C12orf42: variants seen among roughly 807,000 people sequenced by gnomAD.
The protein encoded by C12orf42 is chromosome 12 open reading frame 42.
C12orf42 carries 25 observed loss-of-function variants against 21.6 expected under a neutral mutation model. The observed-to-expected ratio is 1.16, with a 90% CI of 0.84 to 1.62. C12orf42 has a LOEUF of 1.62. Among genes scored for constraint, C12orf42 ranks in the 40% most tolerant of loss-of-function variants. The pLI is 0.00. For missense variants in C12orf42, 483 were observed against 459.3 expected, an observed-to-expected ratio of 1.05 and a Z score of -0.47; for synonymous variants, 174 against 175.0, an observed-to-expected ratio of 0.99 and a Z score of 0.05.
chr12:103,290,768 AT>A (rs2036754868), intron 4 of C12orf42, among the ~76,000 whole-genome samples: 1 of 152,302 alleles, frequency 6.6e-6, no homozygotes, highest in Non-Finnish European at 1.5e-5. Context: ...AGTGGTGTTA[AT>A]TCCATGCACG....
rs1487885329 is a variant in C12orf42 at position 103,386,641 on chromosome 12, T to C, written c.147+14966A>G. 2.6e-5 allele frequency among the ~76,000 whole-genome samples: 4 copies of C among 152,196 alleles called. No homozygotes were observed. The East Asian group carries it at 5.8e-4, about 22-fold the overall frequency. On this transcript the variant is annotated intron_variant, in intron 3 of 5. Transcript: ENST00000548883. ...AAGATTATGCTACAGAGAGTTAGCA[T>C]GATCCAAAATACAGCAACTGCTCTT...
chr12:103,484,611 C>T (rs1006102299), intron 1 of C12orf42, among the ~76,000 whole-genome samples: 1 of 152,048 alleles, frequency 6.6e-6, no homozygotes, highest in African/African-American at 2.4e-5. Flanking sequence ...TGTAGGTTAC[C>T]TGTTCACTCT....
the C12orf42 span, among the ~76,000 whole-genome samples, chr12:103,189,611 C>T: frequency 6.6e-6 from 1 of 152,314 alleles, no homozygotes; most frequent in South Asian, 2.1e-4. Flanking sequence ...CTGAGAGAGA[C>T]ATCTTCCTCC....
chr12:103,394,946 A>T (rs2138541748), intron 3 of C12orf42, among the ~76,000 whole-genome samples: 1 of 152,332 alleles, frequency 6.6e-6, no homozygotes, highest in South Asian at 2.1e-4. Flanking sequence ...GCAATAGAAA[A>T]GCAGGAACAG....
chr12:103,232,057 A>G, the C12orf42 span, among the ~76,000 whole-genome samples: 1 of 152,190 alleles, frequency 6.6e-6, no homozygotes, highest in Non-Finnish European at 1.5e-5. Context: ...CTCTGATGAC[A>G]TGATGTGAAG....
intron 4 of C12orf42, among the ~76,000 whole-genome samples, chr12:103,331,426 T>C (rs1166170765): frequency 6.6e-6 from 1 of 152,240 alleles, no homozygotes; most frequent in Non-Finnish European, 1.5e-5. Flanking sequence ...TGCAAGGAAT[T>C]ATTCATTCAT....
chr12:103,193,525 A>T, the C12orf42 span, among the ~76,000 whole-genome samples: 298 of 152,168 alleles, frequency 2.0e-3, 2 homozygotes, highest in African/African-American at 7.1e-3. Flanking sequence ...GGACACTACA[A>T]GTTCCACAGA....
the C12orf42 span, among the ~76,000 whole-genome samples, chr12:103,162,351 C>T: frequency 6.6e-6 from 1 of 152,184 alleles, no homozygotes; most frequent in Non-Finnish European, 1.5e-5. Flanking sequence ...CCTCACCAGA[C>T]AATATCATGG....
the C12orf42 span, among the ~76,000 whole-genome samples, chr12:103,093,922 C>T: frequency 6.6e-6 from 1 of 152,138 alleles, no homozygotes; most frequent in Admixed American, 6.5e-5. Flanking sequence ...CTAACTTCTC[C>T]TCTCCCACTC....
the C12orf42 span, among the ~76,000 whole-genome samples, chr12:103,129,113 G>T: frequency 6.6e-6 from 1 of 152,070 alleles, no homozygotes; most frequent in East Asian, 1.9e-4. Context: ...TTTGATCTTT[G>T]GTAAGCACTG....
the C12orf42 span, among the ~76,000 whole-genome samples, chr12:103,165,199 C>G: frequency 6.6e-6 from 1 of 152,290 alleles, no homozygotes; most frequent in East Asian, 1.9e-4. Context: ...CCTGCATTGG[C>G]CAATCAGAAC....
chr12:103,460,002 T>TGTG lies in C12orf42; in HGVS notation c.78+18346_78+18347insCAC. On this transcript the variant is annotated intron_variant, in intron 2 of 5. Coordinates refer to ENST00000548883, the MANE Select transcript of C12orf42 (RefSeq NM_198521.5). The stretch of plus-strand genomic sequence containing the variant: ...GAGCCTCCTCCTATATTGCACCCCT[T>TGTG]TACTGCCATCCCCATCTTTCTGAAA... Among the ~76,000 whole-genome samples the TGTG allele has an allele frequency of 2.6e-5, 4 of 152,218 alleles. No homozygotes were observed. In the Middle Eastern group the frequency reaches 0.014, roughly 518 times the overall value.
intron 10 of C12orf42, among the ~76,000 whole-genome samples, chr12:103,241,311 A>G (rs530104628): frequency 1.3e-5 from 2 of 152,022 alleles, no homozygotes; most frequent in Non-Finnish European, 2.9e-5. Context: ...TTTAGATTCC[A>G]TTTTAGTGGA....
At chr12:103,527,477 C>T in the C12orf42 span, among the ~76,000 whole-genome samples, 1 of 152,170 alleles carries the variant, frequency 6.6e-6, no homozygotes, top group Non-Finnish European at 1.5e-5. Flanking sequence ...CATTATAGAG[C>T]TTCTACAGAA....
chr12:103,552,399 A>C, the C12orf42 span, among the ~76,000 whole-genome samples: 1 of 152,166 alleles, frequency 6.6e-6, no homozygotes, highest in Non-Finnish European at 1.5e-5. Flanking sequence ...ATTTATTAAA[A>C]ACAAAAAAAC....
At chr12:103,541,096 G>A in the C12orf42 span, among the ~76,000 whole-genome samples, 7 of 152,174 alleles carry the variant, frequency 4.6e-5, no homozygotes, top group South Asian at 8.3e-4. Flanking sequence ...TAGAGATGGA[G>A]TTTCACCATG....
chr12:103,285,834 A>G (rs541261223), intron 4 of C12orf42, among the ~76,000 whole-genome samples: 2 of 152,374 alleles, frequency 1.3e-5, no homozygotes, highest in South Asian at 2.1e-4. Context: ...TTATTCACAT[A>G]AAACTGAAAA....
intron 2 of C12orf42, among the ~76,000 whole-genome samples, chr12:103,465,132 G>A (rs1401181084): frequency 6.6e-6 from 1 of 152,130 alleles, no homozygotes; most frequent in Non-Finnish European, 1.5e-5. Context: ...TTCTAATTCT[G>A]TGAAGAATGT....
chr12:103,387,396 C>T (rs1267624486), intron 3 of C12orf42, among the ~76,000 whole-genome samples: 3 of 152,234 alleles, frequency 2.0e-5, no homozygotes, highest in African/African-American at 7.2e-5. Flanking sequence ...CTCGTGCACA[C>T]ATGCACAGAC....
Sources: gnomAD v4.1 joint callset for allele counts (sites outside exome capture counted in the v4.1 genomes callset) on GRCh38, gnomAD v4.1.1 for gene constraint, MANE v1.5 for transcripts, NCBI Gene and HGNC (gene_info 2026-07-23, HGNC 2026-07-21) for gene names.